The following DGKG variants were observed in gnomAD, a reference collection of about 807,000 sequenced individuals.
DGKG encodes the protein DAG kinase gamma.
In DGKG, 78 loss-of-function variants were observed where a neutral mutation model predicts 105.3. The observed-to-expected ratio is 0.74, with a 90% confidence interval of 0.62 to 0.89. The LOEUF (loss-of-function observed/expected upper bound fraction) is 0.89, where lower values mean the gene tolerates loss of function less well. DGKG is among the 40% of genes least tolerant of loss of function. DGKG has a pLI of 0.00. For missense variants in DGKG, 958 were observed against 1,020.1 expected, an observed-to-expected ratio of 0.94 and a Z score of 0.83; for synonymous variants, 346 against 367.1, an observed-to-expected ratio of 0.94 and a Z score of 0.66.
At chr3:186,355,560 C>T (rs1453479390) in intron 1 of DGKG, among the ~76,000 whole-genome samples, 1 of 151,172 alleles carries the variant, frequency 6.6e-6, no homozygotes, top group Non-Finnish European at 1.5e-5. Context: ...CCACCACCAC[C>T]TTACCACCAT....
intron 5 of DGKG, among the ~76,000 whole-genome samples, chr3:186,296,101 C>A (rs1268386706): frequency 8.7e-6 from 1 of 115,064 alleles, no homozygotes; most frequent in Admixed American, 9.0e-5. Flanking sequence ...AGAGCAAGAC[C>A]TTATCTCAGA....
rs113266791 is a variant in DGKG at position 186,252,411 on chromosome 3, C to T, written c.1601-492G>A. Among the ~76,000 whole-genome samples, 587 of 152,344 alleles carry T rather than the reference C, an allele frequency of 3.9e-3. 16 individuals are homozygous for T. In the East Asian group the frequency reaches 0.048, roughly 13 times the overall value. On this transcript the variant is annotated intron_variant, in intron 18 of 24. Transcript: ENST00000265022. ...CTCTGAATTAGCAGCCATCTGGAGT[C>T]CCCACCCCTTTTCTGGCCGGCAGCC...
chr3:186,340,846 T>C (rs1217073928), intron 1 of DGKG, among the ~76,000 whole-genome samples: 1 of 152,208 alleles, frequency 6.6e-6, no homozygotes, highest in Non-Finnish European at 1.5e-5. Flanking sequence ...GTTTTGTCTT[T>C]TATCTTTCAG....
In DGKG at chr3:186,284,673, A is replaced by G; in HGVS notation, c.581T>C (p.Leu194Pro). 6.2e-7 allele frequency: 1 copy of G among 1,613,910 alleles called. No individual in the cohort carries two copies. Among genetic ancestry groups the G allele is most frequent in the South Asian group, 1.1e-5 (1 of 91,078 alleles). Residue 194 changes from leucine (L) to proline (P), a missense_variant, in exon 7 of 25, where the codon CTC becomes CCC. By Grantham distance (98) the Leu-to-Pro change is moderately conservative. Around this residue, in one of 2 missense-constraint regions of DGKG, gnomAD observed 643 missense variants for 619.5 expected, o/e 1.04. Transcript: ENST00000265022. The surrounding 1 kb of genome is among the most constrained non-coding windows in gnomAD (Gnocchi z 4.0). ...FRLYDSDENG[L>P]LDQAEMDCIV... ...GTGAGAACTTACCGCTTGGTCCAGG[A>G]GACCGTTCTCATCTGAATCATAGAG...
intron 3 of DGKG, among the ~76,000 whole-genome samples, chr3:186,299,798 T>TTTCC (rs2108616009): frequency 4.4e-5 from 4 of 91,954 alleles, no homozygotes; most frequent in African/African-American, 1.3e-4. Flanking sequence ...TCTTTCTTTC[T>TTTCC]TTCTTTCTTT....
intron 3 of DGKG, 70 bp from the exon 4 acceptor site, chr3:186,298,299 G>A: frequency 6.9e-7 from 1 of 1,449,582 alleles, no homozygotes; most frequent in Non-Finnish European, 9.2e-7. Context: ...AGAAGGAAAA[G>A]GAATAGAAAA....
chr3:186,331,757 A>T (rs1037636284), intron 1 of DGKG, among the ~76,000 whole-genome samples: 1 of 152,204 alleles, frequency 6.6e-6, no homozygotes, highest in Non-Finnish European at 1.5e-5. Context: ...GGGGCATCAC[A>T]ATCTGAGGAT....
chr3:186,272,660 G>A (rs562261257), intron 10 of DGKG, among the ~76,000 whole-genome samples: 1 of 152,208 alleles, frequency 6.6e-6, no homozygotes, highest in Non-Finnish European at 1.5e-5. Flanking sequence ...CATCCTCCTG[G>A]CTATGCCAGT....
In DGKG at chr3:186,203,002, T is replaced by G. The variant is rs1287632746; in HGVS notation, c.1917+8793A>C. On this transcript the variant is annotated intron_variant, in intron 21 of 24. Transcript: ENST00000265022. The surrounding 1 kb of genome is among the most constrained non-coding windows in gnomAD (Gnocchi z 4.9). ...AAAAGAACCGGAAAATAAAAGCATA[T>G]GAATGAATAGAGGCTTGAAGTGAAC... 6.6e-6 allele frequency among the ~76,000 whole-genome samples: 1 copy of G among 152,062 alleles called. No homozygotes were observed. The highest frequency in any genetic ancestry group is 1.5e-5 in the Non-Finnish European group (1 of 68,026).
Position 186,298,095 on chromosome 3 carries a change from C to G in DGKG, c.279G>C (p.Glu93Asp). ...TGTTGGCCTCACTGTTGCTGGCTCC[C>G]TCCGTCGGGTGGTCAGAGGTCTCGT... ...PRHETSDHPT[E>D]GASNSEANSA... The change falls in exon 4 of 25, where the codon GAG (glutamate) becomes GAC (aspartate). Residue 93 changes from glutamate to aspartate, a missense_variant. Glu to Asp is a conservative substitution (Grantham distance 45). Transcript: ENST00000265022. The G allele has an allele frequency of 6.2e-7, 1 of 1,613,360 alleles. No individual in the cohort carries two copies. Among genetic ancestry groups the G allele is most frequent in the Non-Finnish European group, 8.5e-7 (1 of 1,179,632 alleles).
chr3:186,290,263 G>C (rs1395521324), intron 5 of DGKG, among the ~76,000 whole-genome samples: 1 of 152,176 alleles, frequency 6.6e-6, no homozygotes, highest in Non-Finnish European at 1.5e-5. Context: ...AATAGGATGA[G>C]ATAAAGACAG....
chr3:186,297,840 C>A (rs1026078327), intron 4 of DGKG, among the ~76,000 whole-genome samples: 1 of 96,318 alleles, frequency 1.0e-5, no homozygotes, highest in African/African-American at 4.0e-5. Context: ...GCTCTTTGAT[C>A]CATAGTGGCA....
At chr3:186,338,817 G>A (rs535575853) in intron 1 of DGKG, among the ~76,000 whole-genome samples, 3 of 152,104 alleles carry the variant, frequency 2.0e-5, no homozygotes, top group Middle Eastern at 3.4e-3. Flanking sequence ...GGAGGCTTAC[G>A]GAACATTGAC....
rs539824079 is a variant in DGKG, at chr3:186,232,751, A to T, written c.1826+9753T>A. ...TATTGAAAAACGTTTAAACAAGATAAATGATGAGAAAAATAATTCCATATA... is the reference window on the plus strand; with the variant it reads ...TATTGAAAAACGTTTAAACAAGATATATGATGAGAAAAATAATTCCATATA... On this transcript the variant is annotated intron_variant, in intron 20 of 24. Transcript: ENST00000265022. 2.6e-4 allele frequency among the ~76,000 whole-genome samples: 39 copies of T among 152,300 alleles called. No homozygotes were observed. The South Asian group carries it at 7.9e-3, about 31-fold the overall frequency.
rs1410621767 is a variant in DGKG, at chr3:186,298,346, G to A, written c.145-117C>T. ...AAAGGAATGGAAAGGGAGGCAGTAG[G>A]ACATGGAGGAGCTGATGGGGACAGG... On this transcript the variant is annotated intron_variant, in intron 3 of 24. Transcript: ENST00000265022. 7 of 955,876 alleles carry A rather than the reference G, an allele frequency of 7.3e-6. 1 individual carries two copies. In the South Asian group the frequency reaches 1.1e-4, roughly 15 times the overall value. 59.2% of individuals were successfully genotyped at this position (955,876 alleles called of 1,614,324 possible). A position where few individuals can be genotyped will look rare whatever the true frequency, so the allele number is the denominator to read the frequency against.
At chr3:186,236,926 A>G (rs537310568) in intron 20 of DGKG, among the ~76,000 whole-genome samples, 1 of 152,252 alleles carries the variant, frequency 6.6e-6, no homozygotes, top group Non-Finnish European at 1.5e-5. Context: ...AACATTCCAC[A>G]GTTAGACTTC....
At position 186,255,230 on chromosome 3, in the gene DGKG, A is replaced by C. The variant is rs182312510; in HGVS notation, c.1511-2048T>G. 3.2e-3 allele frequency among the ~76,000 whole-genome samples: 483 copies of C among 152,326 alleles called. 1 individual carries two copies. Among genetic ancestry groups the C allele is most frequent in the African/African-American group, 0.011 (464 of 41,578 alleles). ...ATATCGACTGAAGCCTGCTATATGC[A>C]GATGCAGTGTTAGGTGCTCCGGCTC... On this transcript the variant is annotated intron_variant, in intron 17 of 24. Coordinates refer to ENST00000265022, the MANE Select transcript of DGKG (RefSeq NM_001346.3).
At position 186,149,730 on chromosome 3, in the gene DGKG, G is replaced by C. The variant is rs1485078754; in HGVS notation, c.*360C>G. 1 of 1,027,660 alleles carries C rather than the reference G, an allele frequency of 9.7e-7. No homozygotes were observed. Among genetic ancestry groups the C allele is most frequent in the African/African-American group, 1.7e-5 (1 of 58,216 alleles). The allele number at this position is 1,027,660 out of a possible 1,614,324, so 63.7% of individuals were successfully genotyped here. ...CAGCCTGCTCCTCGCGAGCGTCCAT[G>C]AGGAAACTTGCAGGGCTGGTAGAAA... On this transcript the variant is annotated 3_prime_UTR_variant, in exon 25 of 25. Coordinates refer to ENST00000265022, the MANE Select transcript of DGKG (RefSeq NM_001346.3).
chr3:186,151,783 C>T (rs923170839), intron 24 of DGKG, among the ~76,000 whole-genome samples: 1 of 152,172 alleles, frequency 6.6e-6, no homozygotes, highest in South Asian at 2.1e-4. Flanking sequence ...GAGGGCACTA[C>T]TGTAAGCCAG....
Sources: allele counts gnomAD v4.1 joint callset (sites outside exome capture counted in the v4.1 genomes callset), GRCh38; gene constraint gnomAD v4.1.1; regional missense constraint gnomAD v4.1.1; non-coding constraint Gnocchi (gnomAD v3.1); transcripts MANE v1.5; gene names NCBI Gene and HGNC (gene_info 2026-07-23, HGNC 2026-07-21).